TXNDC9: variants seen among roughly 807,000 people sequenced by gnomAD.
TXNDC9 encodes the protein thioredoxin domain-containing protein 9.
In TXNDC9, 7 loss-of-function variants were observed where a neutral mutation model predicts 23.0. The ratio of observed to expected loss-of-function variants is 0.30; its 90% CI spans 0.17 to 0.57. TXNDC9 has a LOEUF of 0.57. Among genes scored for constraint, TXNDC9 ranks in the 20% least tolerant of loss-of-function variants. The pLI, the probability that TXNDC9 is intolerant of heterozygous loss-of-function variation, is 0.90. For missense variants in TXNDC9, 198 were observed against 252.6 expected, an observed-to-expected ratio of 0.78 and a Z score of 1.47; for synonymous variants, 72 against 90.6, an observed-to-expected ratio of 0.79 and a Z score of 1.17.
At chr2:99,333,628 G>A (rs902407014) in intron 1 of TXNDC9, among the ~76,000 whole-genome samples, 3 of 152,064 alleles carry the variant, frequency 2.0e-5, no homozygotes, top group Non-Finnish European at 2.9e-5. Flanking sequence ...AAACAACTGC[G>A]AACAATAGGA....
the TXNDC9 span, among the ~76,000 whole-genome samples, chr2:99,308,596 C>CGT: frequency 5.3e-5 from 8 of 149,978 alleles, no homozygotes; most frequent in Non-Finnish European, 1.0e-4. Flanking sequence ...TGTGTGTGTA[C>CGT]GTGTGTGTGT....
intron 3 of TXNDC9, among the ~76,000 whole-genome samples, chr2:99,323,135 G>A (rs1172977508): frequency 2.6e-5 from 4 of 152,226 alleles, no homozygotes; most frequent in South Asian, 2.1e-4. Flanking sequence ...GGCCAGGTGC[G>A]GTGGCTCACA....
chr2:99,317,314 CTG>C (rs2094191539), downstream of TXNDC9, among the ~76,000 whole-genome samples: 1 of 152,160 alleles, frequency 6.6e-6, no homozygotes, highest in Non-Finnish European at 1.5e-5. Context: ...ATTTTAGACA[CTG>C]TGTCACAGCA....
Position 99,319,286 on chromosome 2 carries a change from C to G in TXNDC9, c.*396G>C, listed in dbSNP as rs2094195992. 1 of 154,992 alleles carries G rather than the reference C, an allele frequency of 6.5e-6. No homozygotes were observed. Among genetic ancestry groups the G allele is most frequent in the Non-Finnish European group, 1.4e-5 (1 of 70,182 alleles). 9.6% of individuals were successfully genotyped at this position (154,992 alleles called of 1,614,324 possible). A position where few individuals can be genotyped will look rare whatever the true frequency, so the allele number is the denominator to read the frequency against. On this transcript the variant is annotated 3_prime_UTR_variant, in exon 5 of 5. Transcript: ENST00000264255. Reference sequence around the variant, plus strand: ...CAGAAGAGCGTTTATAATTCATTTACAAGTGCAGTATTGCGCTAGTAAATG... The same window carrying G: ...CAGAAGAGCGTTTATAATTCATTTAGAAGTGCAGTATTGCGCTAGTAAATG...
At position 99,322,567 on chromosome 2, in the gene TXNDC9, CA is replaced by C. The variant is rs1283984007; in HGVS notation, c.309-359del. On this transcript the variant is annotated intron_variant, in intron 3 of 4. Transcript: ENST00000264255. Reference sequence around the variant, plus strand: ...AAACTCGGAAGAGACTTACAAGAATCAGAAGTGCACACATGGTGCCATATTT... The same window carrying C: ...AAACTCGGAAGAGACTTACAAGAATCGAAGTGCACACATGGTGCCATATTT... The C allele has an allele frequency of 9.9e-6, 15 of 1,515,050 alleles. No individual in the cohort carries two copies. In the African/African-American group the frequency reaches 1.4e-4, roughly 14 times the overall value. 93.9% of individuals were successfully genotyped at this position (1,515,050 alleles called of 1,614,324 possible).
the TXNDC9 span, among the ~76,000 whole-genome samples, chr2:99,310,781 T>A: frequency 3.3e-5 from 5 of 151,876 alleles, no homozygotes; most frequent in African/African-American, 9.7e-5. Context: ...ATAAATAAAT[T>A]AAAAAAAATA....
downstream of TXNDC9, among the ~76,000 whole-genome samples, chr2:99,316,252 T>C (rs1250737809): frequency 6.6e-6 from 1 of 152,122 alleles, no homozygotes; most frequent in Non-Finnish European, 1.5e-5. Flanking sequence ...CATAGCTCAC[T>C]GTAGCCTCAA....
At chr2:99,328,004 C>T (rs1280370121) in intron 2 of TXNDC9, among the ~76,000 whole-genome samples, 1 of 151,866 alleles carries the variant, frequency 6.6e-6, no homozygotes, top group African/African-American at 2.4e-5. Flanking sequence ...AGGATGGTCT[C>T]GATCTCTTGA....
chr2:99,309,980 C>G, the TXNDC9 span, among the ~76,000 whole-genome samples: 1 of 152,106 alleles, frequency 6.6e-6, no homozygotes, highest in Non-Finnish European at 1.5e-5. Context: ...CCACTGCACC[C>G]AGCCTCCTCG....
chr2:99,313,211 G>C, the TXNDC9 span, among the ~76,000 whole-genome samples: 1 of 151,962 alleles, frequency 6.6e-6, no homozygotes, highest in African/African-American at 2.4e-5. Context: ...AAACAAAACT[G>C]CCAACCAAGT....
At chr2:99,334,211 C>G (rs1418079942) in intron 1 of TXNDC9, among the ~76,000 whole-genome samples, 1 of 152,062 alleles carries the variant, frequency 6.6e-6, no homozygotes, top group African/African-American at 2.4e-5. Flanking sequence ...ATTGGCCAGG[C>G]CCGGTGGTGT....
chr2:99,316,991 C>T (rs1489100199), downstream of TXNDC9, among the ~76,000 whole-genome samples: 2 of 152,156 alleles, frequency 1.3e-5, no homozygotes, highest in African/African-American at 2.4e-5. Flanking sequence ...CTCCCGACCT[C>T]GTGATCCGCC....
At chr2:99,325,674 G>T (rs935816213) in intron 3 of TXNDC9, among the ~76,000 whole-genome samples, 1 of 152,122 alleles carries the variant, frequency 6.6e-6, no homozygotes, top group Non-Finnish European at 1.5e-5. Flanking sequence ...AGGCAAATGC[G>T]CTGCCTCTAC....
intron 4 of TXNDC9, among the ~76,000 whole-genome samples, chr2:99,320,623 A>G (rs909911739): frequency 2.0e-5 from 3 of 152,216 alleles, no homozygotes; most frequent in Admixed American, 6.5e-5. Flanking sequence ...TATTGGGACA[A>G]TGAGAAAACT....
At chr2:99,308,616 G>T in the TXNDC9 span, among the ~76,000 whole-genome samples, 1 of 152,042 alleles carries the variant, frequency 6.6e-6, no homozygotes, top group Non-Finnish European at 1.5e-5. Flanking sequence ...TGTATGTAGG[G>T]AGGGAGAAGA....
rs890969367 is a variant in TXNDC9 at position 99,336,301 on chromosome 2, G to T, written c.-95C>A. On this transcript the variant is annotated 5_prime_UTR_variant, in exon 1 of 5. Transcript: ENST00000264255. ...CAGTTTCAAAAGACACGTCCACTCC[G>T]GCTTTTGCCTTGCAGTAGCTGCCGG... 1.4e-5 allele frequency: 14 copies of T among 985,388 alleles called. No homozygotes were observed. Among genetic ancestry groups the T allele is most frequent in the African/African-American group, 5.2e-5 (3 of 57,224 alleles). 61.0% of individuals were successfully genotyped at this position (985,388 alleles called of 1,614,324 possible). A position where few individuals can be genotyped will look rare whatever the true frequency, so the allele number is the denominator to read the frequency against.
intron 3 of TXNDC9, among the ~76,000 whole-genome samples, chr2:99,325,268 A>G (rs1462161162): frequency 1.3e-5 from 2 of 152,196 alleles, no homozygotes; most frequent in African/African-American, 4.8e-5. Context: ...TACTACCCAC[A>G]AAAGTTAAAA....
intron 4 of TXNDC9, 180 bp downstream of exon 4, chr2:99,321,775 G>T (rs1270167077): frequency 2.0e-5 from 13 of 655,374 alleles, no homozygotes; most frequent in Non-Finnish European, 2.9e-5. Flanking sequence ...ATCTGATTTT[G>T]CCGTAAAATC....
chr2:99,336,322 G>A lies in TXNDC9; in HGVS notation c.-116C>T. The A allele has an allele frequency of 2.0e-6, 2 of 985,512 alleles. No individual in the cohort carries two copies. Among genetic ancestry groups the A allele is most frequent in the Non-Finnish European group, 1.2e-6 (1 of 829,982 alleles). 61.0% of individuals were successfully genotyped at this position (985,512 alleles called of 1,614,324 possible). A position where few individuals can be genotyped will look rare whatever the true frequency, so the allele number is the denominator to read the frequency against. ...CTCCGGCTTTTGCCTTGCAGTAGCT[G>A]CCGGCGGCTGCAAACGGGCCGTCAC... On this transcript the variant is annotated 5_prime_UTR_variant, in exon 1 of 5. Transcript: ENST00000264255.
Sources: gnomAD v4.1 joint callset for allele counts (sites outside exome capture counted in the v4.1 genomes callset) on GRCh38, gnomAD v4.1.1 for gene constraint, MANE v1.5 for transcripts, NCBI Gene and HGNC (gene_info 2026-07-23, HGNC 2026-07-21) for gene names.